The following BRCA2 variants were observed in gnomAD, a reference collection of about 807,000 sequenced individuals.
BRCA2 encodes BRCA2 DNA repair associated.
A neutral mutation model predicts 276.7 loss-of-function variants in BRCA2; 203 were observed. The ratio of observed to expected loss-of-function variants is 0.73; its 90% CI spans 0.65 to 0.82. BRCA2 has a LOEUF of 0.82. Among genes scored for constraint, BRCA2 ranks in the 40% least tolerant of loss-of-function variants. The pLI is 0.00. For missense variants in BRCA2, 3,920 were observed against 3,915.0 expected, an observed-to-expected ratio of 1.00 and a Z score of -0.03; for synonymous variants, 1,289 against 1,338.4, an observed-to-expected ratio of 0.96 and a Z score of 0.81.
At chr13:32,356,728 A>T (rs2072701066) in intron 15 of BRCA2, 119 bp downstream of exon 15, 2 of 1,221,858 alleles carry the variant, frequency 1.6e-6, no homozygotes, top group African/African-American at 1.5e-5. Context: ...GAATGGATGA[A>T]TGAAATCATC....
intron 13 of BRCA2, among the ~76,000 whole-genome samples, chr13:32,352,152 GT>G (rs938000271): frequency 6.6e-6 from 1 of 152,132 alleles, no homozygotes; most frequent in Non-Finnish European, 1.5e-5. Context: ...AAGTCACTGA[GT>G]TGTATTTCTG....
At chr13:32,351,673 G>C (rs923170729) in intron 13 of BRCA2, among the ~76,000 whole-genome samples, 2 of 152,104 alleles carry the variant, frequency 1.3e-5, no homozygotes, top group Admixed American at 1.3e-4. Context: ...ATGTCACTTA[G>C]ACATATAAAT....
At chr13:32,381,561 A>G (rs1446937900) in intron 24 of BRCA2, among the ~76,000 whole-genome samples, 1 of 152,122 alleles carries the variant, frequency 6.6e-6, no homozygotes, top group Non-Finnish European at 1.5e-5. Context: ...GATCATGCCT[A>G]GTGTGCCGTG....
chr13:32,317,215 C>T (rs186569020), intron 2 of BRCA2, among the ~76,000 whole-genome samples: 1 of 151,926 alleles, frequency 6.6e-6, no homozygotes, highest in African/African-American at 2.4e-5. Flanking sequence ...AACAAACAAA[C>T]AAAAAACTAA....
chr13:32,332,862 G>C lies in BRCA2; in HGVS notation c.1384G>C (p.Glu462Gln). Residue 462 changes from glutamate to glutamine, a missense_variant, in exon 10 of 27, where the codon GAA (glutamate) becomes CAA (glutamine). Around this residue, in one of 2 missense-constraint regions of BRCA2, gnomAD observed 3,263 missense variants for 3,156.9 expected, o/e 1.03. Coordinates refer to ENST00000380152, the MANE Select transcript of BRCA2 (RefSeq NM_000059.4). Reference protein sequence around the residue: ...LPKSEKPLNEETVVNKRDEEQ... With the variant: ...LPKSEKPLNEQTVVNKRDEEQ... The stretch of plus-strand genomic sequence containing the variant: ...AAAATCAGAGAAGCCATTAAATGAG[G>C]AAACAGTGGTAAATAAGAGAGATGA... 1.9e-6 allele frequency: 3 copies of C among 1,611,962 alleles called. No homozygotes were observed. The highest frequency in any genetic ancestry group is 2.5e-6 in the Non-Finnish European group (3 of 1,179,564).
intron 3 of BRCA2, among the ~76,000 whole-genome samples, chr13:32,324,824 C>G (rs1391337845): frequency 4.6e-5 from 7 of 152,052 alleles, no homozygotes; most frequent in Non-Finnish European, 8.8e-5. Flanking sequence ...CTCTGTTGCT[C>G]AGGCAGGTGT....
intron 24 of BRCA2, among the ~76,000 whole-genome samples, chr13:32,389,358 C>T (rs1226251301): frequency 6.6e-6 from 1 of 152,184 alleles, no homozygotes; most frequent in East Asian, 1.9e-4. Context: ...ATTTCTCAAA[C>T]TCTTTCCATT....
Position 32,363,373 on chromosome 13 carries a change from G to C in BRCA2, c.8171G>C (p.Gly2724Ala), listed in dbSNP as rs80359063. The stretch of plus-strand genomic sequence containing the variant: ...GTGGCCATTATTGAACTTACAGATG[G>C]GTGGTATGCTGTTAAGGCCCAGTTA... Reference protein sequence around the residue: ...QKVAIIELTDGWYAVKAQLDP... With the variant: ...QKVAIIELTDAWYAVKAQLDP... The change falls in exon 18 of 27, where the codon GGG becomes GCG. Residue 2724 changes from glycine to alanine, a missense_variant. Gly to Ala is a moderately conservative substitution (Grantham distance 60). Around this residue, in one of 2 missense-constraint regions of BRCA2, gnomAD observed 3,263 missense variants for 3,156.9 expected, o/e 1.03. Transcript: ENST00000380152. 1 of 1,614,108 alleles carries C rather than the reference G, an allele frequency of 6.2e-7. No individual in the cohort carries two copies. The highest frequency in any genetic ancestry group is 1.1e-5 in the South Asian group (1 of 91,074).
intron 11 of BRCA2, 134 bp from the exon 12 acceptor site, chr13:32,344,424 C>T: frequency 1.7e-6 from 1 of 603,424 alleles, no homozygotes; most frequent in East Asian, 2.9e-5. Context: ...CATTAGGTCA[C>T]TATTTGTTGT....
At chr13:32,374,413 A>G (rs1194050040) in intron 20 of BRCA2, among the ~76,000 whole-genome samples, 1 of 152,190 alleles carries the variant, frequency 6.6e-6, no homozygotes, top group Non-Finnish European at 1.5e-5. Context: ...CCTTTTAAAT[A>G]TAGGTTCCAA....
intron 13 of BRCA2, 66 bp from the exon 14 acceptor site, chr13:32,354,795 A>T (rs2137554752): frequency 8.9e-7 from 1 of 1,125,158 alleles, no homozygotes. Context: ...TCTGCAACAA[A>T]GGCATATTCC....
chr13:32,337,035 G>A lies in BRCA2; in HGVS notation c.2680G>A (p.Val894Ile), dbSNP rs28897715. ...CAATGAGAATAATTTTGTCTTCCAA[G>A]TAGCTAATGAAAGGAATAATCTTGC... ...SDNENNFVFQ[V>I]ANERNNLALG... is the part of the protein sequence containing the mutation. Residue 894 changes from valine to isoleucine, a missense_variant, in exon 11 of 27, where the codon GTA becomes ATA. Val to Ile is a conservative substitution (Grantham distance 29, BLOSUM62 3). Around this residue, in one of 2 missense-constraint regions of BRCA2, gnomAD observed 3,263 missense variants for 3,156.9 expected, o/e 1.03. Transcript: ENST00000380152. 326 of 1,597,780 alleles carry A rather than the reference G, an allele frequency of 2.0e-4. No homozygotes were observed. The highest frequency in any genetic ancestry group is 2.7e-4 in the Non-Finnish European group (319 of 1,174,694).
At chr13:32,324,848 C>T (rs2072331733) in intron 3 of BRCA2, among the ~76,000 whole-genome samples, 1 of 152,140 alleles carries the variant, frequency 6.6e-6, no homozygotes, top group African/African-American at 2.4e-5. Flanking sequence ...ACTCCTGCCT[C>T]AAGCAATCCT....
At chr13:32,324,660 A>G (rs2072330536) in intron 3 of BRCA2, among the ~76,000 whole-genome samples, 1 of 152,144 alleles carries the variant, frequency 6.6e-6, no homozygotes, top group Non-Finnish European at 1.5e-5. Flanking sequence ...GTTTAAAGCG[A>G]CAAGATGTTG....
Position 32,339,233 on chromosome 13 carries a change from T to A in BRCA2, c.4878T>A (p.Asn1626Lys), listed in dbSNP as rs2072514859. 1 of 1,613,042 alleles carries A rather than the reference T, an allele frequency of 6.2e-7. No individual in the cohort carries two copies. Among genetic ancestry groups the A allele is most frequent in the Non-Finnish European group, 8.5e-7 (1 of 1,179,542 alleles). ...LSDNLCRQTE[N>K]LKTSKSIFLK... is the part of the protein sequence containing the mutation. ...ATAATTTATGTAGACAAACTGAAAA[T>A]CTCAAAACATCAAAAAGTATCTTTT... Residue 1626 changes from asparagine to lysine, a missense_variant, in exon 11 of 27, where the codon AAT becomes AAA. Physicochemically the swap from Asn to Lys is moderately conservative, Grantham distance 94 (BLOSUM62 0). Coordinates refer to ENST00000380152, the MANE Select transcript of BRCA2 (RefSeq NM_000059.4).
At chr13:32,390,326 T>C (rs1298140558) in intron 24 of BRCA2, among the ~76,000 whole-genome samples, 1 of 152,106 alleles carries the variant, frequency 6.6e-6, no homozygotes, top group Non-Finnish European at 1.5e-5. Context: ...GCGCAGTAGC[T>C]AATGCTTGTA....
chr13:32,329,157 C>G (rs1465312262), intron 7 of BRCA2, among the ~76,000 whole-genome samples: 2 of 152,136 alleles, frequency 1.3e-5, no homozygotes, highest in African/African-American at 4.8e-5. Flanking sequence ...GTCATAACCT[C>G]ACAGCATCAT....
rs80358630 is a variant in BRCA2 at position 32,338,218 on chromosome 13, A to T, written c.3863A>T (p.Asn1288Ile). 2 of 1,541,790 alleles carry T rather than the reference A, an allele frequency of 1.3e-6. No individual in the cohort carries two copies. The highest frequency in any genetic ancestry group is 1.8e-6 in the Non-Finnish European group (2 of 1,142,426). Residue 1288 changes from asparagine to isoleucine, a missense_variant, in exon 11 of 27, where the codon AAT (asparagine) becomes ATT (isoleucine). Around this residue, in one of 2 missense-constraint regions of BRCA2, gnomAD observed 3,263 missense variants for 3,156.9 expected, o/e 1.03. Transcript: ENST00000380152. ...HNDKTVSEKNNKCQLILQNNI... is the reference protein window; with the variant it reads ...HNDKTVSEKNIKCQLILQNNI... ...GATAAAACTGTAAGTGAAAAAAATAATAAATGCCAACTGATATTACAAAAT... is the reference window on the plus strand; with the variant it reads ...GATAAAACTGTAAGTGAAAAAAATATTAAATGCCAACTGATATTACAAAAT...
rs544432489 is a variant in BRCA2 at position 32,384,823 on chromosome 13, A to C, written c.9256+4678A>C. ...GACTAAATACAGTGTGGGAATACAC[A>C]ATACACAACCTACTAGCCTATGTGA... is the stretch of plus-strand genomic sequence containing the variant. On this transcript the variant is annotated intron_variant, in intron 24 of 26. Transcript: ENST00000380152. The C allele has an allele frequency of 1.1e-5, 3 of 277,526 alleles. No individual in the cohort carries two copies. In the East Asian group the frequency reaches 2.4e-4, roughly 22 times the overall value. 17.2% of individuals were successfully genotyped at this position (277,526 alleles called of 1,614,324 possible).
Sources: gnomAD v4.1 joint callset for allele counts (sites outside exome capture counted in the v4.1 genomes callset) on GRCh38, gnomAD v4.1.1 for gene constraint, gnomAD v4.1.1 regional missense constraint, MANE v1.5 for transcripts, NCBI Gene and HGNC (gene_info 2026-07-23, HGNC 2026-07-21) for gene names.